The following CD2AP variants were observed in gnomAD, a reference collection of about 807,000 sequenced individuals.
CD2AP encodes CD2 associated protein.
Under a neutral mutation model 85.1 loss-of-function variants are expected in CD2AP, and 46 were observed. The observed-to-expected ratio is 0.54, with a 90% CI of 0.43 to 0.69. CD2AP has a LOEUF of 0.69. Among genes scored for constraint, CD2AP ranks in the 30% least tolerant of loss-of-function variants. The pLI, the probability that CD2AP is intolerant of heterozygous loss-of-function variation, is 0.00. For synonymous variants in CD2AP, 255 were observed against 252.9 expected (o/e 1.01, Z -0.08); for missense variants, 769 against 729.5 (o/e 1.05, Z -0.62).
At chr6:47,581,723 A>T (rs544540303) in intron 10 of CD2AP, among the ~76,000 whole-genome samples, 1 of 152,298 alleles carries the variant, frequency 6.6e-6, no homozygotes, top group South Asian at 2.1e-4. Context: ...AAAAAATAGA[A>T]TGTTTTCATC....
intron 3 of CD2AP, among the ~76,000 whole-genome samples, chr6:47,534,036 T>G (rs1156711479): frequency 6.6e-6 from 1 of 152,222 alleles, no homozygotes; most frequent in Non-Finnish European, 1.5e-5. Flanking sequence ...CTTAACTATA[T>G]TTTAATACCA....
chr6:47,567,221 T>G (rs1006520111), intron 5 of CD2AP, among the ~76,000 whole-genome samples: 3 of 152,156 alleles, frequency 2.0e-5, no homozygotes, highest in African/African-American at 7.2e-5. Flanking sequence ...AACTATCTTT[T>G]CATGTACGTT....
intron 1 of CD2AP, among the ~76,000 whole-genome samples, chr6:47,479,327 A>G (rs574001778): frequency 1.3e-5 from 2 of 152,242 alleles, no homozygotes; most frequent in Non-Finnish European, 2.9e-5. Flanking sequence ...TAGAAGCAGG[A>G]CGAATACAGA....
At chr6:47,557,411 C>T (rs1044228079) in intron 5 of CD2AP, among the ~76,000 whole-genome samples, 1 of 152,070 alleles carries the variant, frequency 6.6e-6, no homozygotes, top group Non-Finnish European at 1.5e-5. Context: ...ATGCCTATGT[C>T]CTGAATGGTA....
chr6:47,576,872 A>G, intron 7 of CD2AP, 137 bp from the exon 8 acceptor site: 1 of 667,430 alleles, frequency 1.5e-6, no homozygotes, highest in Non-Finnish European at 2.7e-6. Context: ...TATTGACTAT[A>G]AGTATTTTAA....
intron 16 of CD2AP, among the ~76,000 whole-genome samples, chr6:47,610,971 A>ATATTTT: frequency 1.8e-5 from 2 of 112,908 alleles, no homozygotes; most frequent in African/African-American, 7.2e-5. Context: ...ATATATATGT[A>ATATTTT]TTTTTTTTTT....
chr6:47,543,569 C>G (rs2114043385), intron 3 of CD2AP, among the ~76,000 whole-genome samples: 1 of 152,276 alleles, frequency 6.6e-6, no homozygotes, highest in East Asian at 1.9e-4. Flanking sequence ...CCTCTTCTGG[C>G]TTGTAGAGGA....
At chr6:47,552,729 G>T (rs975313795) in intron 4 of CD2AP, among the ~76,000 whole-genome samples, 9 of 152,060 alleles carry the variant, frequency 5.9e-5, no homozygotes, top group African/African-American at 2.2e-4. Flanking sequence ...CTCTCCGTTT[G>T]TTGTATTTAT....
chr6:47,551,660 G>A lies in CD2AP; in HGVS notation c.421-2986G>A, dbSNP rs559542166. ...CCCAAACTTGGTGGCAAAGAATAACGGTTGTATTATGCCTGTGAGTCAAGA... is the reference window on the plus strand; with the variant it reads ...CCCAAACTTGGTGGCAAAGAATAACAGTTGTATTATGCCTGTGAGTCAAGA... On this transcript the variant is annotated intron_variant, in intron 4 of 17. Coordinates refer to ENST00000359314, the MANE Select transcript of CD2AP (RefSeq NM_012120.3). Among the ~76,000 whole-genome samples, 3 of 152,292 alleles carry A rather than the reference G, an allele frequency of 2.0e-5. No individual in the cohort carries two copies. In the South Asian group the frequency reaches 6.2e-4, roughly 32 times the overall value.
chr6:47,536,607 A>C (rs1294658176), intron 3 of CD2AP, among the ~76,000 whole-genome samples: 1 of 152,244 alleles, frequency 6.6e-6, no homozygotes, highest in Admixed American at 6.5e-5. Context: ...TGAAGCCGTG[A>C]AAACTTTTGC....
intron 2 of CD2AP, among the ~76,000 whole-genome samples, chr6:47,527,704 C>T (rs1465303974): frequency 2.6e-5 from 4 of 152,160 alleles, no homozygotes; most frequent in South Asian, 2.1e-4. Flanking sequence ...CAGGAAGCTG[C>T]TTGGAGTACG....
intron 1 of CD2AP, among the ~76,000 whole-genome samples, chr6:47,479,657 G>GATA (rs1442845468): frequency 6.6e-6 from 1 of 152,156 alleles, no homozygotes; most frequent in Non-Finnish European, 1.5e-5. Flanking sequence ...TTTGGATTAA[G>GATA]ATAATACTAA....
chr6:47,499,797 C>T (rs893781950), intron 1 of CD2AP, among the ~76,000 whole-genome samples: 3 of 152,136 alleles, frequency 2.0e-5, no homozygotes, highest in African/African-American at 7.2e-5. Context: ...GGCACGACCT[C>T]GGCTCACTGC....
At chr6:47,602,909 C>CAA (rs932277264) in intron 13 of CD2AP, among the ~76,000 whole-genome samples, 5 of 148,532 alleles carry the variant, frequency 3.4e-5, no homozygotes, top group African/African-American at 1.2e-4. Context: ...CAAAAATAAA[C>CAA]AAAAAAAAAG....
chr6:47,560,027 A>G (rs13191654), intron 5 of CD2AP, among the ~76,000 whole-genome samples: 37,706 of 151,988 alleles, frequency 0.25, 5,412 homozygotes, highest in East Asian at 0.6. Context: ...ATACATTTCC[A>G]TACTATTATA....
At chr6:47,584,369 T>G (rs1203450661) in intron 11 of CD2AP, among the ~76,000 whole-genome samples, 1 of 152,152 alleles carries the variant, frequency 6.6e-6, no homozygotes, top group African/African-American at 2.4e-5. Context: ...AGGTTTGTGA[T>G]TCATTTTGAG....
At chr6:47,497,147 GT>G (rs202187543) in intron 1 of CD2AP, among the ~76,000 whole-genome samples, 11 of 148,714 alleles carry the variant, frequency 7.4e-5, no homozygotes, top group South Asian at 2.1e-4. Context: ...ACCATGTCGT[GT>G]TTTTTTTTTA....
chr6:47,567,139 G>A (rs1768025610), intron 5 of CD2AP, among the ~76,000 whole-genome samples: 1 of 151,142 alleles, frequency 6.6e-6, no homozygotes, highest in Non-Finnish European at 1.5e-5. Flanking sequence ...TGGAAATTTG[G>A]TGGTTTTTCA....
rs1767803316 is a variant in CD2AP at position 47,559,864 on chromosome 6, A to G, written c.541+5098A>G. ...GAGCATGAAGCAATAGAGCAAGTTC[A>G]TAAAAATCTAGATATAGAGCTAGAA... On this transcript the variant is annotated intron_variant, in intron 5 of 17. Transcript: ENST00000359314. 3.3e-5 allele frequency among the ~76,000 whole-genome samples: 5 copies of G among 152,292 alleles called. No individual in the cohort carries two copies. The South Asian group carries it at 1.0e-3, about 32-fold the overall frequency.
Sources: gnomAD v4.1 joint callset for allele counts (sites outside exome capture counted in the v4.1 genomes callset) on GRCh38, gnomAD v4.1.1 for gene constraint, MANE v1.5 for transcripts, NCBI Gene and HGNC (gene_info 2026-07-23, HGNC 2026-07-21) for gene names.